Variants in SPAG16 observed in about 807,000 individuals in gnomAD.
The protein encoded by SPAG16 is sperm associated antigen 16.
A neutral mutation model predicts 80.4 loss-of-function variants in SPAG16; 86 were observed. The ratio of observed to expected loss-of-function variants is 1.07; its 90% CI spans 0.90 to 1.28. SPAG16 has a LOEUF of 1.28. Ranked by LOEUF, SPAG16 falls within the 50% of genes most tolerant of loss-of-function variation. The probability of loss-of-function intolerance (pLI) is 0.00; values close to 1 mark genes in which losing one functional copy is unlikely to be tolerated. For synonymous variants in SPAG16, 294 were observed against 265.9 expected, an observed-to-expected ratio of 1.11 and a Z score of -1.03; for missense variants, 870 against 765.3, an observed-to-expected ratio of 1.14 and a Z score of -1.61.
chr2:214,376,153 G>A (rs1308059531), intron 15 of SPAG16, among the ~76,000 whole-genome samples: 2 of 152,050 alleles, frequency 1.3e-5, no homozygotes, highest in East Asian at 1.9e-4. Context: ...GTGACAAATT[G>A]TTGAGAAACA....
At chr2:213,468,377 A>ATC (rs2072830544) in intron 9 of SPAG16, among the ~76,000 whole-genome samples, 4 of 144,422 alleles carry the variant, frequency 2.8e-5, no homozygotes, top group African/African-American at 1.0e-4. Context: ...ATCTCTCTCT[A>ATC]TATATATAGA....
chr2:213,507,724 G>C (rs1367286208), intron 10 of SPAG16, among the ~76,000 whole-genome samples: 1 of 152,182 alleles, frequency 6.6e-6, no homozygotes, highest in Non-Finnish European at 1.5e-5. Context: ...TGTTTGACTT[G>C]AGATGGGGCT....
chr2:213,455,450 C>T lies in SPAG16; in HGVS notation c.943-34513C>T, dbSNP rs549831849. On this transcript the variant is annotated intron_variant, in intron 9 of 15. Coordinates refer to ENST00000331683, the MANE Select transcript of SPAG16 (RefSeq NM_024532.5). Reference sequence around the variant, plus strand: ...CTTGAAACAAGCCAGGCATGGACACCCGAAATTCCAGAGATTACCTCAAGG... The same window carrying T: ...CTTGAAACAAGCCAGGCATGGACACTCGAAATTCCAGAGATTACCTCAAGG... 2.6e-5 allele frequency among the ~76,000 whole-genome samples: 4 copies of T among 152,210 alleles called. No individual in the cohort carries two copies. In the South Asian group the frequency reaches 8.3e-4, roughly 32 times the overall value.
chr2:213,383,453 A>C (rs1019822577), intron 9 of SPAG16, among the ~76,000 whole-genome samples: 2 of 152,092 alleles, frequency 1.3e-5, no homozygotes, highest in Non-Finnish European at 2.9e-5. Flanking sequence ...TAAGTTGTTC[A>C]TTTGTTTTGA....
chr2:213,717,251 C>T (rs892277250), intron 10 of SPAG16, among the ~76,000 whole-genome samples: 1 of 151,660 alleles, frequency 6.6e-6, no homozygotes, highest in African/African-American at 2.4e-5. Flanking sequence ...CTCCGCCTCC[C>T]AGGTACATGC....
intron 15 of SPAG16, among the ~76,000 whole-genome samples, chr2:214,206,897 AT>A (rs1223475215): frequency 6.6e-6 from 1 of 152,118 alleles, no homozygotes; most frequent in Non-Finnish European, 1.5e-5. Context: ...GATGTTGAAC[AT>A]TTTTTCATAT....
At chr2:213,887,901 C>T (rs78239739) in intron 11 of SPAG16, among the ~76,000 whole-genome samples, 5,463 of 151,790 alleles carry the variant, frequency 0.036, 123 homozygotes, top group East Asian at 0.072. Context: ...AAGGTAATTG[C>T]GACAGTTACT....
At chr2:213,323,447 A>T (rs1031240093) in intron 5 of SPAG16, among the ~76,000 whole-genome samples, 7 of 152,208 alleles carry the variant, frequency 4.6e-5, no homozygotes, top group African/African-American at 1.7e-4. Flanking sequence ...TCTCAAAAAA[A>T]AAATAGAAAA....
At chr2:213,448,115 C>T (rs1292586799) in intron 9 of SPAG16, among the ~76,000 whole-genome samples, 1 of 152,184 alleles carries the variant, frequency 6.6e-6, no homozygotes, top group Non-Finnish European at 1.5e-5. Flanking sequence ...GGGAATTTAT[C>T]AAAAATTAGC....
intron 15 of SPAG16, among the ~76,000 whole-genome samples, chr2:214,280,311 G>A (rs77844269): frequency 6.6e-6 from 1 of 152,302 alleles, no homozygotes; most frequent in African/African-American, 2.4e-5. Context: ...CTTATCTATA[G>A]ATTAAATACA....
intron 1 of SPAG16, among the ~76,000 whole-genome samples, chr2:213,287,842 G>T (rs974834686): frequency 1.3e-5 from 2 of 152,166 alleles, no homozygotes; most frequent in Non-Finnish European, 2.9e-5. Context: ...AGATACTGAG[G>T]ACTGTAATTG....
chr2:213,941,411 G>T (rs2079191616), intron 12 of SPAG16, among the ~76,000 whole-genome samples: 3 of 151,850 alleles, frequency 2.0e-5, no homozygotes, highest in South Asian at 4.2e-4. Flanking sequence ...ATTTATTTTA[G>T]AATTTTGCAT....
intron 10 of SPAG16, among the ~76,000 whole-genome samples, chr2:213,821,740 ACTAT>A (rs1231830113): frequency 6.6e-6 from 1 of 152,126 alleles, no homozygotes; most frequent in Non-Finnish European, 1.5e-5. Flanking sequence ...CCATTTTTCT[ACTAT>A]CTGTCTACAA....
At chr2:213,586,189 A>G (rs563207811) in intron 10 of SPAG16, among the ~76,000 whole-genome samples, 3 of 152,356 alleles carry the variant, frequency 2.0e-5, no homozygotes, top group African/African-American at 7.2e-5. Flanking sequence ...AATCATTTCT[A>G]TGATGAGCCA....
At chr2:214,200,173 G>T (rs969479207) in intron 15 of SPAG16, among the ~76,000 whole-genome samples, 1 of 151,932 alleles carries the variant, frequency 6.6e-6, no homozygotes, top group African/African-American at 2.4e-5. Flanking sequence ...CCAGTTCTTG[G>T]GGGAAATGTT....
At chr2:213,349,293 C>G (rs1469974362) in intron 6 of SPAG16, among the ~76,000 whole-genome samples, 1 of 151,812 alleles carries the variant, frequency 6.6e-6, no homozygotes, top group Non-Finnish European at 1.5e-5. Context: ...AAATTACAAC[C>G]AAGAAACATG....
chr2:213,328,840 A>G (rs188782032), intron 5 of SPAG16, among the ~76,000 whole-genome samples: 15 of 152,202 alleles, frequency 9.9e-5, no homozygotes, highest in East Asian at 5.8e-4. Context: ...CCCCACCCAA[A>G]TCTCATCTTG....
At chr2:214,121,365 CA>C (rs1207079611) in intron 14 of SPAG16, among the ~76,000 whole-genome samples, 2 of 151,806 alleles carry the variant, frequency 1.3e-5, no homozygotes, top group Non-Finnish European at 3.0e-5. Context: ...ATTATCAGGA[CA>C]GATTCGCTGT....
intron 10 of SPAG16, among the ~76,000 whole-genome samples, chr2:213,775,806 C>A (rs2069539750): frequency 6.6e-6 from 1 of 152,012 alleles, no homozygotes; most frequent in African/African-American, 2.4e-5. Context: ...CATAATTATC[C>A]TTTACCTTAG....
Sources: allele counts gnomAD v4.1 joint callset (sites outside exome capture counted in the v4.1 genomes callset), GRCh38; gene constraint gnomAD v4.1.1; transcripts MANE v1.5; gene names NCBI Gene and HGNC (gene_info 2026-07-23, HGNC 2026-07-21).